The following CHCHD6 variants were observed in gnomAD, a reference collection of about 807,000 sequenced individuals.
CHCHD6 encodes MICOS complex subunit MIC25.
A neutral mutation model predicts 32.3 loss-of-function variants in CHCHD6; 28 were observed. The ratio of observed to expected loss-of-function variants is 0.87; its 90% confidence interval spans 0.64 to 1.19. The LOEUF is 1.19. Ranked by LOEUF, CHCHD6 falls within the 50% of genes most tolerant of loss-of-function variation. The probability of loss-of-function intolerance (pLI) is 0.00; values close to 1 mark genes in which losing one functional copy is unlikely to be tolerated. For missense variants in CHCHD6, 333 were observed against 307.0 expected, an observed-to-expected ratio of 1.08 and a Z score of -0.63; for synonymous variants, 122 against 117.5, an observed-to-expected ratio of 1.04 and a Z score of -0.25.
intron 6 of CHCHD6, among the ~76,000 whole-genome samples, chr3:126,939,380 C>G (rs906339884): frequency 6.6e-6 from 1 of 152,226 alleles, no homozygotes; most frequent in Non-Finnish European, 1.5e-5. Context: ...CTCATCCTAT[C>G]CCTGTACAGT....
At chr3:126,730,764 C>T (rs1935761521) in intron 3 of CHCHD6, 134 bp downstream of exon 3, 2 of 674,812 alleles carry the variant, frequency 3.0e-6, no homozygotes, top group Non-Finnish European at 5.1e-6. Flanking sequence ...CATTGAAGGA[C>T]AACCCTATGG....
intron 4 of CHCHD6, among the ~76,000 whole-genome samples, chr3:126,815,643 G>T (rs1318735973): frequency 7.8e-6 from 1 of 127,630 alleles, no homozygotes; most frequent in Non-Finnish European, 1.7e-5. Flanking sequence ...GTGGGTTCTT[G>T]CCCCCCCCCC....
At chr3:126,895,775 G>A (rs961240600) in intron 5 of CHCHD6, among the ~76,000 whole-genome samples, 2 of 152,210 alleles carry the variant, frequency 1.3e-5, no homozygotes, top group Non-Finnish European at 2.9e-5. Context: ...GTTGCTTCTG[G>A]CATCCTGCCA....
chr3:126,878,107 G>A (rs566907959), intron 5 of CHCHD6, among the ~76,000 whole-genome samples: 63 of 152,342 alleles, frequency 4.1e-4, no homozygotes, highest in African/African-American at 1.4e-3. Flanking sequence ...GGGACAGAAG[G>A]TGCAAAAATG....
chr3:126,910,273 G>GAAAAAAAAAAAAAACAAAAAAAAAAAAAC (rs547565601), intron 5 of CHCHD6, among the ~76,000 whole-genome samples: 2 of 111,456 alleles, frequency 1.8e-5, no homozygotes, highest in Admixed American at 1.0e-4. Flanking sequence ...CCTGCCTCAG[G>GAAAAAAAAAAAAAACAAAAAAAAAAAAAC]AAAAAAAAAA....
intron 1 of CHCHD6, 97 bp from the exon 2 acceptor site, chr3:126,726,981 G>A (rs140903783): frequency 4.0e-5 from 32 of 808,730 alleles, no homozygotes; most frequent in Non-Finnish European, 5.0e-5. Flanking sequence ...AGGAAGCAGC[G>A]CATTCAGTAA....
At chr3:126,879,920 TATC>T (rs1476336777) in intron 5 of CHCHD6, among the ~76,000 whole-genome samples, 8 of 152,212 alleles carry the variant, frequency 5.3e-5, no homozygotes, top group Non-Finnish European at 1.0e-4. Context: ...TATGGGCACT[TATC>T]ATATTATTCT....
At chr3:126,907,045 G>GTTGTCTCTCAGGT in intron 5 of CHCHD6, among the ~76,000 whole-genome samples, 1 of 152,296 alleles carries the variant, frequency 6.6e-6, no homozygotes, top group Admixed American at 6.5e-5. Context: ...AGCAGCTGCT[G>GTTGTCTCTCAGGT]TTGTCTCTCA....
At chr3:126,836,298 C>G (rs142725678) in intron 4 of CHCHD6, among the ~76,000 whole-genome samples, 1 of 152,176 alleles carries the variant, frequency 6.6e-6, no homozygotes, top group African/African-American at 2.4e-5. Context: ...ACTCAGAGGC[C>G]TTTGCATTGG....
At chr3:126,765,084 A>G (rs1937313569) in intron 4 of CHCHD6, among the ~76,000 whole-genome samples, 1 of 152,172 alleles carries the variant, frequency 6.6e-6, no homozygotes, top group Non-Finnish European at 1.5e-5. Flanking sequence ...CATTTTTGGC[A>G]TTTTAACATG....
intron 5 of CHCHD6, among the ~76,000 whole-genome samples, chr3:126,883,675 G>GCC: frequency 6.6e-6 from 1 of 152,254 alleles, no homozygotes; most frequent in Non-Finnish European, 1.5e-5. Flanking sequence ...CTCACTCTGG[G>GCC]CCCCTGCTGC....
chr3:126,866,347 T>A (rs1942289367), intron 5 of CHCHD6, among the ~76,000 whole-genome samples: 2 of 152,148 alleles, frequency 1.3e-5, no homozygotes, highest in Non-Finnish European at 2.9e-5. Context: ...GTGAGCTGGG[T>A]GATAACAGTA....
intron 6 of CHCHD6, among the ~76,000 whole-genome samples, chr3:126,929,383 G>A (rs1312645563): frequency 6.6e-6 from 1 of 152,114 alleles, no homozygotes; most frequent in East Asian, 1.9e-4. Flanking sequence ...TCCTTGGCTG[G>A]GCCCAGTAAC....
intron 6 of CHCHD6, among the ~76,000 whole-genome samples, chr3:126,923,672 C>T (rs987652503): frequency 3.9e-5 from 6 of 152,214 alleles, no homozygotes; most frequent in East Asian, 1.9e-4. Context: ...TGCTACCTGA[C>T]GTGTGGCCTG....
intron 4 of CHCHD6, among the ~76,000 whole-genome samples, chr3:126,848,055 C>T (rs1220171446): frequency 6.6e-6 from 1 of 152,218 alleles, no homozygotes; most frequent in Non-Finnish European, 1.5e-5. Context: ...TCATAACTCA[C>T]CGCAGCCTCA....
intron 4 of CHCHD6, among the ~76,000 whole-genome samples, chr3:126,844,844 G>A (rs1317548296): frequency 6.6e-6 from 1 of 152,136 alleles, no homozygotes; most frequent in African/African-American, 2.4e-5. Context: ...GAGGGAAGGG[G>A]GAAGGCAGGA....
At chr3:126,812,560 G>T (rs1939708021) in intron 4 of CHCHD6, among the ~76,000 whole-genome samples, 1 of 151,402 alleles carries the variant, frequency 6.6e-6, no homozygotes, top group African/African-American at 2.4e-5. Context: ...AGTATGCTGG[G>T]ATTACAGGCA....
intron 4 of CHCHD6, among the ~76,000 whole-genome samples, chr3:126,814,674 C>G (rs989048732): frequency 8.5e-5 from 13 of 152,230 alleles, no homozygotes; most frequent in African/African-American, 3.1e-4. Context: ...TCGGCACCCC[C>G]TCCCACATGC....
chr3:126,802,196 G>A (rs546944049), intron 4 of CHCHD6, among the ~76,000 whole-genome samples: 38 of 152,306 alleles, frequency 2.5e-4, no homozygotes, highest in East Asian at 9.6e-4. Context: ...TACCAGCAAC[G>A]GAACAAAGCT....
Sources: allele counts gnomAD v4.1 joint callset (sites outside exome capture counted in the v4.1 genomes callset), GRCh38; gene constraint gnomAD v4.1.1; transcripts MANE v1.5; gene names NCBI Gene and HGNC (gene_info 2026-07-23, HGNC 2026-07-21).